The following CDH13 variants were observed in gnomAD, a reference collection of about 807,000 sequenced individuals.
The protein encoded by CDH13 is cadherin-13.
Under a neutral mutation model 63.8 loss-of-function variants are expected in CDH13, and 24 were observed. The ratio of observed to expected loss-of-function variants is 0.38; its 90% CI spans 0.27 to 0.53. CDH13 has a LOEUF of 0.53. Among genes scored for constraint, CDH13 ranks in the 20% least tolerant of loss-of-function variants. The pLI, the probability that CDH13 is intolerant of heterozygous loss-of-function variation, is 0.85. For synonymous variants in CDH13, 503 were observed against 355.3 expected (o/e 1.42, Z -4.67); for missense variants, 1,049 against 903.1 (o/e 1.16, Z -2.07).
intron 7 of CDH13, among the ~76,000 whole-genome samples, chr16:83,550,535 A>C (rs578074539): frequency 6.6e-6 from 1 of 152,356 alleles, no homozygotes; most frequent in East Asian, 1.9e-4. Context: ...AATTCCGCTC[A>C]TAATGGAAGA....
intron 1 of CDH13, among the ~76,000 whole-genome samples, chr16:82,654,023 C>T (rs902441914): frequency 1.3e-5 from 2 of 152,166 alleles, no homozygotes; most frequent in African/African-American, 4.8e-5. Context: ...TGGTTGGAAT[C>T]ACTCAGGCAG....
At chr16:83,752,123 G>A (rs1427410150) in intron 11 of CDH13, among the ~76,000 whole-genome samples, 1 of 152,232 alleles carries the variant, frequency 6.6e-6, no homozygotes, top group Non-Finnish European at 1.5e-5. Context: ...AACAATGGCA[G>A]GGTTCTGTAG....
chr16:82,873,918 C>T (rs1292953853), intron 2 of CDH13, among the ~76,000 whole-genome samples: 3 of 152,116 alleles, frequency 2.0e-5, no homozygotes, highest in Admixed American at 6.5e-5. Flanking sequence ...TTCTCCCCCA[C>T]CCCTGACCAC....
chr16:82,850,052 C>T (rs1333825834), intron 1 of CDH13, among the ~76,000 whole-genome samples: 1 of 152,144 alleles, frequency 6.6e-6, no homozygotes, highest in African/African-American at 2.4e-5. Flanking sequence ...ATTTTTCAGC[C>T]CGTGAATCCA....
At chr16:82,887,433 G>C (rs2151215861) in intron 2 of CDH13, among the ~76,000 whole-genome samples, 1 of 152,318 alleles carries the variant, frequency 6.6e-6, no homozygotes, top group African/African-American at 2.4e-5. Context: ...GATTAGGTTA[G>C]AAAATCCTTG....
chr16:82,845,415 C>G (rs286667), intron 1 of CDH13, among the ~76,000 whole-genome samples: 40,364 of 152,182 alleles, frequency 0.27, 5,685 homozygotes, highest in Middle Eastern at 0.33. Context: ...ACTGAGGGCA[C>G]TCTAAGGGGC....
chr16:82,990,155 G>A (rs1305069054), intron 2 of CDH13: 1 of 151,704 alleles, frequency 6.6e-6, no homozygotes, highest in African/African-American at 2.4e-5. Context: ...CCAATCTGTT[G>A]CGTCTAGAAG....
chr16:83,507,868 C>G (rs1179362914), intron 7 of CDH13, among the ~76,000 whole-genome samples: 1 of 151,198 alleles, frequency 6.6e-6, no homozygotes, highest in Middle Eastern at 3.2e-3. Flanking sequence ...CCCGTCTCTA[C>G]TAAAGATACA....
At chr16:83,088,748 G>C (rs746617646) in intron 3 of CDH13, among the ~76,000 whole-genome samples, 4 of 152,150 alleles carry the variant, frequency 2.6e-5, no homozygotes, top group African/African-American at 7.2e-5. Flanking sequence ...TTGTAGAGTA[G>C]AAAATGCTTC....
intron 1 of CDH13, among the ~76,000 whole-genome samples, chr16:82,850,811 C>A (rs758580496): frequency 1.3e-5 from 2 of 152,212 alleles, no homozygotes; most frequent in Non-Finnish European, 1.5e-5. Flanking sequence ...AAGACAACCA[C>A]TTGTTGAAGG....
At chr16:83,025,585 A>G (rs1229400600) in intron 2 of CDH13, among the ~76,000 whole-genome samples, 1 of 152,208 alleles carries the variant, frequency 6.6e-6, no homozygotes. Context: ...CACGGGAGTT[A>G]TAGGAACTAC....
chr16:82,889,299 T>A (rs576632626), intron 2 of CDH13, among the ~76,000 whole-genome samples: 4 of 133,342 alleles, frequency 3.0e-5, no homozygotes, highest in African/African-American at 1.0e-4. Context: ...GTCTCTCTAT[T>A]ATCTCTCTCT....
intron 6 of CDH13, among the ~76,000 whole-genome samples, chr16:83,457,871 T>TA (rs549435351): frequency 3.3e-5 from 5 of 152,342 alleles, no homozygotes; most frequent in Admixed American, 3.3e-4. Context: ...CATGGCACCC[T>TA]AAATTTGCAT....
intron 2 of CDH13, chr16:82,884,045 A>T (rs1395970502): frequency 6.2e-6 from 2 of 324,046 alleles, no homozygotes; most frequent in South Asian, 5.5e-5. Context: ...ATGAATTATT[A>T]TGACTACAAC....
At chr16:82,899,371 T>A (rs1176366566) in intron 2 of CDH13, among the ~76,000 whole-genome samples, 1 of 152,218 alleles carries the variant, frequency 6.6e-6, no homozygotes, top group Non-Finnish European at 1.5e-5. Flanking sequence ...ATACAATACA[T>A]CAATGGTTTA....
chr16:83,610,659 A>G (rs1300666047), intron 8 of CDH13, among the ~76,000 whole-genome samples: 1 of 152,196 alleles, frequency 6.6e-6, no homozygotes, highest in African/African-American at 2.4e-5. Context: ...CATAGCCGTA[A>G]TCTATTCATG....
chr16:83,236,237 G>GCACA (rs3049880), intron 5 of CDH13, among the ~76,000 whole-genome samples: 15,366 of 148,762 alleles, frequency 0.1, 814 homozygotes, highest in Middle Eastern at 0.17. Flanking sequence ...ACACGCACAT[G>GCACA]CACACACACA....
intron 10 of CDH13, among the ~76,000 whole-genome samples, chr16:83,713,350 A>C (rs759007106): frequency 1.3e-5 from 2 of 152,100 alleles, no homozygotes; most frequent in Non-Finnish European, 2.9e-5. Flanking sequence ...CATTTTTCCA[A>C]TGAGGTTCTT....
chr16:83,071,264 C>T (rs1195774523), intron 3 of CDH13, among the ~76,000 whole-genome samples: 1 of 152,146 alleles, frequency 6.6e-6, no homozygotes, highest in Non-Finnish European at 1.5e-5. Flanking sequence ...AAGCAAAAGC[C>T]TCCTTCAGCA....
Sources: gnomAD v4.1 joint callset for allele counts (sites outside exome capture counted in the v4.1 genomes callset) on GRCh38, gnomAD v4.1.1 for gene constraint, MANE v1.5 for transcripts, NCBI Gene and HGNC (gene_info 2026-07-23, HGNC 2026-07-21) for gene names.